Variants in CES2 observed in about 807,000 individuals in gnomAD.
The protein encoded by CES2 is carboxylesterase 2.
Under a neutral mutation model 52.1 loss-of-function variants are expected in CES2, and 42 were observed. The observed-to-expected ratio is 0.81, with a 90% confidence interval of 0.63 to 1.04. The LOEUF (loss-of-function observed/expected upper bound fraction) is 1.04, where lower values mean the gene tolerates loss of function less well. Among genes scored for constraint, CES2 ranks in the 50% least tolerant of loss-of-function variants. CES2 has a pLI of 0.00. For missense variants in CES2, 656 were observed against 724.3 expected, an observed-to-expected ratio of 0.91 and a Z score of 1.08; for synonymous variants, 277 against 289.6, an observed-to-expected ratio of 0.96 and a Z score of 0.44.
Position 66,941,788 on chromosome 16 carries a change from C to G in CES2, c.1077C>G (p.Thr359=), listed in dbSNP as rs774244834. Residue 359 remains threonine, a synonymous_variant, in exon 8 of 12, where the codon ACC becomes ACG. Coordinates refer to ENST00000317091, the MANE Select transcript of CES2 (RefSeq NM_001365405.1). ...LIPKVMRIYD[T]QKEMDREASQ... ...TCCAGGTCATGAGGATCTATGATACCCAGAAGGAAATGGACAGAGAGGCCT... is the reference window on the plus strand; with the variant it reads ...TCCAGGTCATGAGGATCTATGATACGCAGAAGGAAATGGACAGAGAGGCCT... The G allele has an allele frequency of 6.2e-7, 1 of 1,613,990 alleles. No individual in the cohort carries two copies. Among genetic ancestry groups the G allele is most frequent in the African/African-American group, 1.3e-5 (1 of 74,886 alleles).
chr16:66,937,742 G>T (rs1963247137), intron 1 of CES2, among the ~76,000 whole-genome samples: 1 of 152,118 alleles, frequency 6.6e-6, no homozygotes, highest in Non-Finnish European at 1.5e-5. Flanking sequence ...ACATGACCTG[G>T]CACACAGTTG....
At position 66,943,596 on chromosome 16, in the gene CES2, C is replaced by G; in HGVS notation, c.1493+225C>G. Reference sequence around the variant, plus strand: ...AGGGTGGGCGCCAGTGCTGTGCCACCGTCAGGGCCTCCCTCTCAGAGAGAG... The same window carrying G: ...AGGGTGGGCGCCAGTGCTGTGCCACGGTCAGGGCCTCCCTCTCAGAGAGAG... On this transcript the variant is annotated intron_variant, in intron 11 of 11. Coordinates refer to ENST00000317091, the MANE Select transcript of CES2 (RefSeq NM_001365405.1). This position sits in a 1 kb window ranked among gnomAD's most constrained non-coding sequence, Gnocchi z 4.2. 1.7e-6 allele frequency: 1 copy of G among 587,432 alleles called. No homozygotes were observed. The highest frequency in any genetic ancestry group is 3.0e-6 in the Non-Finnish European group (1 of 333,798). 36.4% of individuals were successfully genotyped at this position (587,432 alleles called of 1,614,324 possible). A position where few individuals can be genotyped will look rare whatever the true frequency, so the allele number is the denominator to read the frequency against.
In CES2 at chr16:66,942,124, G is replaced by A. The variant is rs1195308402; in HGVS notation, c.1157G>A (p.Gly386Asp). 5 of 1,608,660 alleles carry A rather than the reference G, an allele frequency of 3.1e-6. No homozygotes were observed. Among genetic ancestry groups the A allele is most frequent in the Non-Finnish European group, 4.3e-6 (5 of 1,175,818 alleles). ...LTLLMLPPTF[G>D]DLLREEYIGD... ...GGGTAGATGTTGCCTCCTACATTTG[G>A]TGACCTGCTGAGGGAGGAGTACATT... The change falls in exon 9 of 12, where the codon GGT becomes GAT. Residue 386 changes from glycine (G) to aspartate (D), a missense_variant. Gly to Asp is a moderately conservative substitution (Grantham distance 94, BLOSUM62 -1). Coordinates refer to ENST00000317091, the MANE Select transcript of CES2 (RefSeq NM_001365405.1).
rs953761545 is a variant in CES2, at chr16:66,943,530, C to T, written c.1493+159C>T. The T allele has an allele frequency of 1.6e-5, 12 of 731,606 alleles. No homozygotes were observed. Among genetic ancestry groups the T allele is most frequent in the African/African-American group, 1.1e-4 (6 of 56,970 alleles). The allele number at this position is 731,606 out of a possible 1,614,324, so 45.3% of individuals were successfully genotyped here. On this transcript the variant is annotated intron_variant, in intron 11 of 11. Transcript: ENST00000317091. The surrounding 1 kb of genome is among the most constrained non-coding windows in gnomAD (Gnocchi z 4.2). ...GACCCACTCAGACAGGGTGGGGGTG[C>T]GTGGGGCAGTGGACACGCTCTATCT...
At position 66,938,096 on chromosome 16, in the gene CES2, G is replaced by T; in HGVS notation, c.136G>T (p.Val46Phe). Reference sequence around the variant, plus strand: ...CACGGGGCAGGTGCTGGGGAGTCTTGTCCATGTGAAGGGCGCCAATGCCGG... The same window carrying T: ...CACGGGGCAGGTGCTGGGGAGTCTTTTCCATGTGAAGGGCGCCAATGCCGG... The part of the protein sequence containing the change: ...THTGQVLGSL[V>F]HVKGANAGVQ... Residue 46 changes from valine (V) to phenylalanine (F), a missense_variant, in exon 2 of 12, where the codon GTC becomes TTC. Val to Phe is a conservative substitution (Grantham distance 50). Coordinates refer to ENST00000317091, the MANE Select transcript of CES2 (RefSeq NM_001365405.1). 1 of 1,614,168 alleles carries T rather than the reference G, an allele frequency of 6.2e-7. No homozygotes were observed.
At chr16:66,940,098 T>G in intron 3 of CES2, 124 bp from the exon 4 acceptor site, 2 of 1,362,092 alleles carry the variant, frequency 1.5e-6, no homozygotes, top group Non-Finnish European at 2.0e-6. Context: ...GCCCATGTAA[T>G]GAATTTGTGC....
At chr16:66,935,508 T>C (rs747063141), upstream of CES2, 22 of 1,613,920 alleles carry the variant, frequency 1.4e-5, no homozygotes, top group Admixed American at 8.3e-5. Context: ...CGCACCCCGC[T>C]GACTCCCTGC....
At chr16:66,940,093 T>C (rs1337125896) in intron 3 of CES2, 129 bp from the exon 4 acceptor site, 1 of 1,291,878 alleles carries the variant, frequency 7.7e-7, no homozygotes, top group Non-Finnish European at 1.1e-6. Flanking sequence ...CATTTGCCCA[T>C]GTAATGAATT....
In CES2 at chr16:66,940,712, G is replaced by A. The variant is rs779047656; in HGVS notation, c.816+17G>A. 1 of 1,612,808 alleles carries A rather than the reference G, an allele frequency of 6.2e-7. No individual in the cohort carries two copies. The highest frequency in any genetic ancestry group is 1.1e-5 in the South Asian group (1 of 91,042). ...ATCTCCACGGTGAGTGCCCTCAGCT[G>A]AAGAGGCCTAGGCCTGCTCCCTCCC... is the stretch of plus-strand genomic sequence containing the variant. On this transcript the variant is annotated intron_variant, in intron 5 of 11. Coordinates refer to ENST00000317091, the MANE Select transcript of CES2 (RefSeq NM_001365405.1).
chr16:66,938,966 G>A (rs1436407045), intron 2 of CES2, among the ~76,000 whole-genome samples: 1 of 152,164 alleles, frequency 6.6e-6, no homozygotes, highest in African/African-American at 2.4e-5. Flanking sequence ...AAGAGTCAAG[G>A]TTTCCGGCAG....
intron 1 of CES2, among the ~76,000 whole-genome samples, chr16:66,937,577 C>T (rs889682346): frequency 6.6e-6 from 1 of 152,150 alleles, no homozygotes; most frequent in African/African-American, 2.4e-5. Flanking sequence ...TTTTTATATC[C>T]CAGCCACAGC....
At position 66,941,612 on chromosome 16, in the gene CES2, TCAACAA is replaced by T; in HGVS notation, c.1026_1031del (p.Asn343_Asn344del). ...CAGCCTGTCCCTAGCATTGTTGGTG[TCAACAA>T]CAATGAATTCGGCTGGCTCATCCCC... On this transcript the variant is annotated inframe_deletion, in exon 7 of 12. Transcript: ENST00000317091. The T allele has an allele frequency of 6.2e-7, 1 of 1,613,996 alleles. No homozygotes were observed. Among genetic ancestry groups the T allele is most frequent in the African/African-American group, 1.3e-5 (1 of 74,974 alleles).
intron 6 of CES2, 109 bp from the exon 7 acceptor site, chr16:66,941,397 G>T (rs1363752009): frequency 1.3e-6 from 2 of 1,530,270 alleles, no homozygotes; most frequent in African/African-American, 1.4e-5. Context: ...ATCTCCTGGG[G>T]TGGGTATGAG....
chr16:66,938,892 C>T lies in CES2; in HGVS notation c.282-325C>T, dbSNP rs574725156. Reference sequence around the variant, plus strand: ...GGCTACTCCCCTGTCCCAGGCCTTACGGGTTACAGGAATATAGTGGTGAAT... The same window carrying T: ...GGCTACTCCCCTGTCCCAGGCCTTATGGGTTACAGGAATATAGTGGTGAAT... On this transcript the variant is annotated intron_variant, in intron 2 of 11. Coordinates refer to ENST00000317091, the MANE Select transcript of CES2 (RefSeq NM_001365405.1). Among the ~76,000 whole-genome samples the T allele has an allele frequency of 1.6e-4, 25 of 152,274 alleles. No homozygotes were observed. In the East Asian group the frequency reaches 2.5e-3, roughly 15 times the overall value.
In CES2 at chr16:66,943,804, C is replaced by T. The variant is rs755962773; in HGVS notation, c.1494-35C>T. Reference sequence around the variant, plus strand: ...CTGGGCTTCGGGGGCCCAGAGTGACCCTCATACTGCCCTGCTGGGATGGCA... The same window carrying T: ...CTGGGCTTCGGGGGCCCAGAGTGACTCTCATACTGCCCTGCTGGGATGGCA... On this transcript the variant is annotated intron_variant, in intron 11 of 11. Coordinates refer to ENST00000317091, the MANE Select transcript of CES2 (RefSeq NM_001365405.1). The surrounding 1 kb of genome is among the most constrained non-coding windows in gnomAD (Gnocchi z 4.2). 5 of 1,542,832 alleles carry T rather than the reference C, an allele frequency of 3.2e-6. No homozygotes were observed. The highest frequency in any genetic ancestry group is 4.4e-6 in the Non-Finnish European group (5 of 1,133,622).
At chr16:66,937,812 A>C (rs548921753) in intron 1 of CES2, among the ~76,000 whole-genome samples, 1 of 152,194 alleles carries the variant, frequency 6.6e-6, no homozygotes, top group Non-Finnish European at 1.5e-5. Flanking sequence ...CTAGGGCTGA[A>C]TGATGATGCC....
chr16:66,943,990 C>T lies in CES2; in HGVS notation c.1645C>T (p.Leu549Phe). Reference protein sequence around the residue: ...KKALPQKIQELEEPEERHTEL With the variant: ...KKALPQKIQEFEEPEERHTEL ...GGCGCTGCCCCAAAAGATCCAGGAG[C>T]TCGAGGAGCCTGAAGAGAGACACAC... Residue 549 changes from leucine (L) to phenylalanine (F), a missense_variant, in exon 12 of 12, where the codon CTC (leucine) becomes TTC (phenylalanine). Coordinates refer to ENST00000317091, the MANE Select transcript of CES2 (RefSeq NM_001365405.1). The surrounding 1 kb of genome is among the most constrained non-coding windows in gnomAD (Gnocchi z 4.2). 1 of 1,580,722 alleles carries T rather than the reference C, an allele frequency of 6.3e-7. No homozygotes were observed. Among genetic ancestry groups the T allele is most frequent in the Non-Finnish European group, 8.6e-7 (1 of 1,159,230 alleles).
In CES2 at chr16:66,938,128, A is replaced by G. The variant is rs138322170; in HGVS notation, c.168A>G (p.Gln56=). ...TGAAGGGCGCCAATGCCGGGGTCCA[A>G]ACCTTCCTGGGAATTCCATTTGCCA... The part of the protein sequence containing the change: ...VHVKGANAGV[Q]TFLGIPFAKP... Residue 56 remains glutamine (Q), a synonymous_variant, in exon 2 of 12, where the codon CAA becomes CAG. Transcript: ENST00000317091. 61 of 1,614,028 alleles carry G rather than the reference A, an allele frequency of 3.8e-5. No homozygotes were observed. Among genetic ancestry groups the G allele is most frequent in the Non-Finnish European group, 4.8e-5 (57 of 1,180,018 alleles).
Position 66,942,625 on chromosome 16 carries a change from G to C in CES2, c.1283-23G>C, listed in dbSNP as rs764833007. The C allele has an allele frequency of 1.9e-6, 3 of 1,613,842 alleles. No homozygotes were observed. The Admixed American group carries it at 5.0e-5, about 27-fold the overall frequency. The stretch of plus-strand genomic sequence containing the variant: ...AGTCTTCAGGGGGAGGGGCCACCGT[G>C]TCATGGGCTGTCCACCCCACAGGTT... On this transcript the variant is annotated intron_variant, in intron 9 of 11. Transcript: ENST00000317091.
Sources: gnomAD v4.1 joint callset for allele counts (sites outside exome capture counted in the v4.1 genomes callset) on GRCh38, gnomAD v4.1.1 for gene constraint, Gnocchi (gnomAD v3.1) non-coding constraint, MANE v1.5 for transcripts, NCBI Gene and HGNC (gene_info 2026-07-23, HGNC 2026-07-21) for gene names.